The following CDH22 variants were observed in gnomAD, a reference collection of about 807,000 sequenced individuals.
CDH22 encodes cadherin-22.
In CDH22, 30 loss-of-function variants were observed where a neutral mutation model predicts 58.4. That is an observed-to-expected ratio of 0.51 (90% CI 0.38 to 0.70). CDH22 has a LOEUF of 0.70. Ranked by LOEUF, CDH22 falls within the 30% of genes least tolerant of loss-of-function variation. The pLI is 0.00. For synonymous variants in CDH22, 513 were observed against 558.2 expected (o/e 0.92, Z 1.14); for missense variants, 1,014 against 1,233.9 (o/e 0.82, Z 2.67).
At chr20:46,181,275 T>C (rs1568649569) in intron 10 of CDH22, among the ~76,000 whole-genome samples, 1 of 152,056 alleles carries the variant, frequency 6.6e-6, no homozygotes. Flanking sequence ...AGGAAGAATA[T>C]AGGAAGAGCA....
At chr20:46,187,060 G>C (rs1034663538) in intron 8 of CDH22, 113 bp from the exon 9 acceptor site, 2 of 1,148,040 alleles carry the variant, frequency 1.7e-6, no homozygotes, top group African/African-American at 1.6e-5. Flanking sequence ...GAAATTTGTG[G>C]GTTAACCAAG....
intron 3 of CDH22, among the ~76,000 whole-genome samples, chr20:46,233,080 GAGAC>G (rs1435530023): frequency 5.9e-5 from 9 of 152,226 alleles, no homozygotes; most frequent in Admixed American, 5.9e-4. Flanking sequence ...TCTAGAAACA[GAGAC>G]AGAGCAAATA....
intron 4 of CDH22, among the ~76,000 whole-genome samples, chr20:46,226,259 C>T (rs6074070): frequency 0.11 from 1,655 of 15,690 alleles, 116 homozygotes; most frequent in African/African-American, 0.24. Context: ...TCTTCTTCTT[C>T]TTCTTCTTCT....
At chr20:46,213,633 G>T (rs929457640) in intron 5 of CDH22, among the ~76,000 whole-genome samples, 1 of 152,144 alleles carries the variant, frequency 6.6e-6, no homozygotes, top group African/African-American at 2.4e-5. Flanking sequence ...AGATGATGAC[G>T]CCTGTAACAT....
At chr20:46,217,859 ACT>A (rs1285700011) in intron 4 of CDH22, among the ~76,000 whole-genome samples, 1 of 151,754 alleles carries the variant, frequency 6.6e-6, no homozygotes, top group Non-Finnish European at 1.5e-5. Flanking sequence ...ATACACACAC[ACT>A]CTCATACACA....
intron 1 of CDH22, among the ~76,000 whole-genome samples, chr20:46,260,611 G>A: frequency 6.6e-6 from 1 of 152,224 alleles, no homozygotes; most frequent in East Asian, 1.9e-4. Flanking sequence ...TCAGAGGCTG[G>A]TTGGGTAATA....
chr20:46,175,090 C>A lies in CDH22; in HGVS notation c.1916-13G>T. The stretch of plus-strand genomic sequence containing the variant: ...AGCAGCACCAGCACTGCGAGGGGGA[C>A]AGAGGGGGCAACTGAGGGCCAAGCC... On this transcript the variant is annotated splice_polypyrimidine_tract_variant and intron_variant, in intron 11 of 11. Transcript: ENST00000537909. The A allele has an allele frequency of 6.4e-7, 1 of 1,573,372 alleles. No homozygotes were observed.
intron 1 of CDH22, among the ~76,000 whole-genome samples, chr20:46,307,247 C>T (rs893108834): frequency 6.6e-6 from 1 of 152,230 alleles, no homozygotes; most frequent in Non-Finnish European, 1.5e-5. Flanking sequence ...CCCTGCACCT[C>T]GGGGAGACCT....
intron 8 of CDH22, among the ~76,000 whole-genome samples, chr20:46,197,840 G>T (rs2085918272): frequency 6.6e-6 from 1 of 152,150 alleles, no homozygotes. Context: ...GGACTTCCTT[G>T]ACCCCAGAAT....
At chr20:46,298,804 C>A (rs1002213196) in intron 1 of CDH22, among the ~76,000 whole-genome samples, 7 of 152,200 alleles carry the variant, frequency 4.6e-5, no homozygotes, top group African/African-American at 1.7e-4. Flanking sequence ...CCAGTTCTCC[C>A]AGACACCAGG....
At chr20:46,263,874 A>G (rs2086445970) in intron 1 of CDH22, among the ~76,000 whole-genome samples, 2 of 152,172 alleles carry the variant, frequency 1.3e-5, no homozygotes, top group Admixed American at 1.3e-4. Flanking sequence ...TTGCTGGAAG[A>G]ACAACTGTGG....
chr20:46,305,230 A>C (rs1194932066), intron 1 of CDH22, among the ~76,000 whole-genome samples: 1 of 152,218 alleles, frequency 6.6e-6, no homozygotes, highest in African/African-American at 2.4e-5. Context: ...CACTGCCCTG[A>C]TGAAAAGTTG....
intron 6 of CDH22, among the ~76,000 whole-genome samples, chr20:46,212,108 G>C (rs1268736876): frequency 2.0e-5 from 3 of 152,228 alleles, no homozygotes; most frequent in Non-Finnish European, 4.4e-5. Context: ...GCCAGGTAAA[G>C]AGCGGGTCAT....
At chr20:46,263,025 A>G (rs537115307) in intron 1 of CDH22, among the ~76,000 whole-genome samples, 1 of 152,232 alleles carries the variant, frequency 6.6e-6, no homozygotes, top group South Asian at 2.1e-4. Flanking sequence ...CTGACCCTGG[A>G]GAGCTCACAC....
intron 2 of CDH22, among the ~76,000 whole-genome samples, chr20:46,244,249 C>T (rs2086312669): frequency 6.6e-6 from 1 of 152,186 alleles, no homozygotes; most frequent in South Asian, 2.1e-4. Flanking sequence ...GTGATGTCAT[C>T]TTCTGTGGAA....
Position 46,251,290 on chromosome 20 carries a change from C to G in CDH22, c.5G>C (p.Arg2Thr). M[R>T]PRPEGRGLRA... is the part of the protein sequence containing the mutation. Reference sequence around the variant, plus strand: ...GAGCCCCCTACCTTCGGGCCTCGGCCTCATCCTTGGCCTGCGCGGGGCTGG... The same window carrying G: ...GAGCCCCCTACCTTCGGGCCTCGGCGTCATCCTTGGCCTGCGCGGGGCTGG... The change falls in exon 2 of 12, where the codon AGG becomes ACG. Residue 2 changes from arginine to threonine, a missense_variant. By Grantham distance (71) the Arg-to-Thr change is moderately conservative. This residue lies in a region of CDH22 where 806 missense variants were observed against 1,038.7 expected (regional missense o/e 0.78). Transcript: ENST00000537909. This position sits in a 1 kb window ranked among gnomAD's most constrained non-coding sequence, Gnocchi z 6.7. 13 of 1,457,062 alleles carry G rather than the reference C, an allele frequency of 8.9e-6. No homozygotes were observed. The highest frequency in any genetic ancestry group is 1.2e-5 in the Non-Finnish European group (13 of 1,112,114). The allele number at this position is 1,457,062 out of a possible 1,614,324, so 90.3% of individuals were successfully genotyped here.
intron 8 of CDH22, among the ~76,000 whole-genome samples, chr20:46,197,096 T>C (rs538084589): frequency 6.6e-6 from 1 of 151,852 alleles, no homozygotes; most frequent in Admixed American, 6.6e-5. Flanking sequence ...CAGCAGAGAG[T>C]GCCCAGAAAA....
chr20:46,176,069 T>C (rs1003214113), intron 11 of CDH22, among the ~76,000 whole-genome samples: 1 of 152,144 alleles, frequency 6.6e-6, no homozygotes, highest in African/African-American at 2.4e-5. Context: ...GACTCCACAT[T>C]CTCCTCCTCC....
At chr20:46,211,302 T>C (rs959143225) in intron 6 of CDH22, among the ~76,000 whole-genome samples, 1 of 152,118 alleles carries the variant, frequency 6.6e-6, no homozygotes, top group Non-Finnish European at 1.5e-5. Context: ...GGGAGCGATC[T>C]GATTGGCAAG....
Sources: allele counts gnomAD v4.1 joint callset (sites outside exome capture counted in the v4.1 genomes callset), GRCh38; gene constraint gnomAD v4.1.1; regional missense constraint gnomAD v4.1.1; non-coding constraint Gnocchi (gnomAD v3.1); transcripts MANE v1.5; gene names NCBI Gene and HGNC (gene_info 2026-07-23, HGNC 2026-07-21).